MAST2: variants seen among roughly 807,000 people sequenced by gnomAD.
The protein encoded by MAST2 is microtubule associated serine/threonine kinase 2.
MAST2 carries 70 observed loss-of-function variants against 147.4 expected under a neutral mutation model. The ratio of observed to expected loss-of-function variants is 0.47; its 90% CI spans 0.39 to 0.58. MAST2 has a LOEUF of 0.58. MAST2 is among the 20% of genes least tolerant of loss of function. The pLI is 0.00. For missense variants in MAST2, 2,080 were observed against 2,302.3 expected (o/e 0.90, Z 1.98); for synonymous variants, 869 against 896.8 (o/e 0.97, Z 0.55).
At chr1:45,983,521 T>C (rs1169423902) in intron 5 of MAST2, among the ~76,000 whole-genome samples, 1 of 151,648 alleles carries the variant, frequency 6.6e-6, no homozygotes, top group Non-Finnish European at 1.5e-5. Flanking sequence ...GACAAGATCT[T>C]ACTCTGTTAC....
intron 1 of MAST2, among the ~76,000 whole-genome samples, chr1:45,814,765 C>T (rs867543256): frequency 3.9e-5 from 6 of 152,092 alleles, no homozygotes; most frequent in Admixed American, 6.6e-5. Context: ...CCAGCCTGGG[C>T]GACAAGAGCG....
intron 5 of MAST2, among the ~76,000 whole-genome samples, chr1:45,993,155 CT>C (rs1443313074): frequency 6.6e-6 from 1 of 151,962 alleles, no homozygotes; most frequent in Non-Finnish European, 1.5e-5. Context: ...TAAACATTTA[CT>C]GCTTTTTAAA....
chr1:46,002,819 G>C lies in MAST2; in HGVS notation c.683G>C (p.Arg228Pro). The C allele has an allele frequency of 1.2e-6, 2 of 1,614,142 alleles. No individual in the cohort carries two copies. The highest frequency in any genetic ancestry group is 1.7e-6 in the Non-Finnish European group (2 of 1,179,986). ...CTTGCATACAGGACTGATGGGCGGC[G>C]CTGGTCTTTGGCCTCTTTGCCCTCT... ...FVPARRTDGR[R>P]WSLASLPSSG... Residue 228 changes from arginine to proline, a missense_variant, in exon 7 of 29, where the codon CGC (arginine) becomes CCC (proline). Coordinates refer to ENST00000361297, the MANE Select transcript of MAST2 (RefSeq NM_015112.3).
chr1:45,935,171 C>T (rs915036623), intron 4 of MAST2, among the ~76,000 whole-genome samples: 35 of 152,128 alleles, frequency 2.3e-4, no homozygotes, highest in African/African-American at 7.2e-4. Flanking sequence ...AGCATGTTGT[C>T]GTGTTTGTTG....
At chr1:45,804,979 C>T (rs985499365) in intron 1 of MAST2, among the ~76,000 whole-genome samples, 6 of 152,092 alleles carry the variant, frequency 3.9e-5, no homozygotes, top group Non-Finnish European at 8.8e-5. Context: ...CTGACTTCAT[C>T]CATGAATGTT....
chr1:45,805,767 CTT>C (rs1557787728), intron 1 of MAST2, among the ~76,000 whole-genome samples: 1 of 152,182 alleles, frequency 6.6e-6, no homozygotes, highest in African/African-American at 2.4e-5. Context: ...ATTTCATCCT[CTT>C]TTGTTTGCCT....
At chr1:45,929,484 G>T (rs894421209) in intron 4 of MAST2, among the ~76,000 whole-genome samples, 2 of 152,272 alleles carry the variant, frequency 1.3e-5, no homozygotes, top group African/African-American at 4.8e-5. Context: ...TCTGGCCCAC[G>T]TAGAAAGAGG....
In MAST2 at chr1:45,919,564, A is replaced by G. The variant is rs180686716; in HGVS notation, c.500+37169A>G. Among the ~76,000 whole-genome samples the G allele has an allele frequency of 3.1e-3, 471 of 152,350 alleles. 2 individuals carry two copies. The highest frequency in any genetic ancestry group is 0.013 in the Admixed American group (199 of 15,310). ...TTAAATTCCACAGACAGTTTGGGAC[A>G]GTGATAGACTGACATAGGACAATGT... On this transcript the variant is annotated intron_variant, in intron 4 of 28. Transcript: ENST00000361297.
At chr1:45,868,008 T>C (rs1407983068) in intron 3 of MAST2, among the ~76,000 whole-genome samples, 1 of 152,232 alleles carries the variant, frequency 6.6e-6, no homozygotes, top group Non-Finnish European at 1.5e-5. Context: ...AGTTTCAGTC[T>C]GCACAGTCAC....
chr1:45,846,291 G>A (rs957457716), intron 3 of MAST2, among the ~76,000 whole-genome samples: 3 of 152,076 alleles, frequency 2.0e-5, no homozygotes, highest in African/African-American at 7.2e-5. Flanking sequence ...CAATTTTGCT[G>A]TTATCACAGC....
At chr1:45,964,956 C>T (rs1300318707) in intron 5 of MAST2, among the ~76,000 whole-genome samples, 1 of 152,126 alleles carries the variant, frequency 6.6e-6, no homozygotes, top group Non-Finnish European at 1.5e-5. Context: ...ATCTTTATTT[C>T]TGCCTTCATT....
intron 4 of MAST2, among the ~76,000 whole-genome samples, chr1:45,891,008 A>G (rs1647678515): frequency 7.2e-6 from 1 of 139,480 alleles, no homozygotes; most frequent in Admixed American, 7.2e-5. Flanking sequence ...ACTCATTGTT[A>G]GTAAGGAAAT....
chr1:45,896,792 A>C (rs1029238237), intron 4 of MAST2, among the ~76,000 whole-genome samples: 6 of 152,346 alleles, frequency 3.9e-5, no homozygotes, highest in Admixed American at 3.3e-4. Context: ...TTGTGACCAC[A>C]GATCTTTTAT....
chr1:45,843,009 T>C lies in MAST2; in HGVS notation c.468+13428T>C, dbSNP rs58840405. 8.3e-3 allele frequency among the ~76,000 whole-genome samples: 1,262 copies of C among 152,300 alleles called. 20 individuals are homozygous for C. Among genetic ancestry groups the C allele is most frequent in the African/African-American group, 0.029 (1,193 of 41,574 alleles). ...TGGTGAGTATGAAGTGGTACCTCATTGTGGTTTTGATTTGTAGTTCTGTAA... is the reference window on the plus strand; with the variant it reads ...TGGTGAGTATGAAGTGGTACCTCATCGTGGTTTTGATTTGTAGTTCTGTAA... On this transcript the variant is annotated intron_variant, in intron 3 of 28. Transcript: ENST00000361297.
At chr1:45,873,189 A>AT (rs35141954) in intron 3 of MAST2, among the ~76,000 whole-genome samples, 48,451 of 143,048 alleles carry the variant, frequency 0.34, 8,156 homozygotes, top group African/African-American at 0.41. Flanking sequence ...TCTTCTTCCT[A>AT]TTTTTTTTTT....
intron 26 of MAST2, among the ~76,000 whole-genome samples, chr1:46,033,346 G>A (rs1173836935): frequency 6.6e-6 from 1 of 151,808 alleles, no homozygotes; most frequent in Non-Finnish European, 1.5e-5. Context: ...GGCTGAGGCA[G>A]GAGAAGTGCT....
At position 46,031,046 on chromosome 1, in the gene MAST2, A is replaced by C. The variant is rs761248217; in HGVS notation, c.2748A>C (p.Thr916=). The change falls in exon 23 of 29, where the codon ACA becomes ACC. Residue 916 remains threonine (T), a synonymous_variant. Coordinates refer to ENST00000361297, the MANE Select transcript of MAST2 (RefSeq NM_015112.3). The surrounding 1 kb of genome is among the most constrained non-coding windows in gnomAD (Gnocchi z 4.1). The part of the protein sequence containing the change: ...KRLSVSESSH[T]ESDSSPPMTV... ...TGTCGGTGTCTGAGTCATCCCACAC[A>C]GAGAGTGACTCAAGCCCTCCAATGA... 3.1e-6 allele frequency: 5 copies of C among 1,613,758 alleles called. No individual in the cohort carries two copies. The highest frequency in any genetic ancestry group is 4.2e-6 in the Non-Finnish European group (5 of 1,179,872).
chr1:46,032,998 C>G (rs570949697), intron 26 of MAST2, among the ~76,000 whole-genome samples: 2 of 145,900 alleles, frequency 1.4e-5, no homozygotes, highest in African/African-American at 5.0e-5. Flanking sequence ...AAAAAAAATG[C>G]CTGGGTGTGG....
chr1:45,866,499 CT>C (rs1405919764), intron 3 of MAST2, among the ~76,000 whole-genome samples: 2 of 152,116 alleles, frequency 1.3e-5, no homozygotes, highest in African/African-American at 4.8e-5. Flanking sequence ...TCTTTAGTTG[CT>C]AGGATTCAGA....
Sources: allele counts gnomAD v4.1 joint callset (sites outside exome capture counted in the v4.1 genomes callset), GRCh38; gene constraint gnomAD v4.1.1; non-coding constraint Gnocchi (gnomAD v3.1); transcripts MANE v1.5; gene names NCBI Gene and HGNC (gene_info 2026-07-23, HGNC 2026-07-21).